UXS1: variants seen among roughly 807,000 people sequenced by gnomAD.
The protein encoded by UXS1 is UDP-glucuronic acid decarboxylase 1.
UXS1 carries 33 observed loss-of-function variants against 62.6 expected under a neutral mutation model. That is an observed-to-expected ratio of 0.53 (90% CI 0.40 to 0.70). The LOEUF (loss-of-function observed/expected upper bound fraction) is 0.70. UXS1 is among the 30% of genes least tolerant of loss of function. UXS1 has a pLI of 0.00. For synonymous variants in UXS1, 213 were observed against 206.8 expected (o/e 1.03, Z -0.26); for missense variants, 434 against 556.3 (o/e 0.78, Z 2.21).
At chr2:106,152,671 G>A (rs1682133557) in intron 5 of UXS1, among the ~76,000 whole-genome samples, 1 of 152,128 alleles carries the variant, frequency 6.6e-6, no homozygotes, top group South Asian at 2.1e-4. Flanking sequence ...TGCAACACTT[G>A]AGTCCATCCC....
chr2:106,130,145 T>C (rs1250376762), intron 6 of UXS1, among the ~76,000 whole-genome samples: 1 of 152,148 alleles, frequency 6.6e-6, no homozygotes, highest in Admixed American at 6.5e-5. Flanking sequence ...TTTTTTTAGT[T>C]TGTGAGGCAA....
chr2:106,158,421 T>C (rs1487182674), intron 4 of UXS1, among the ~76,000 whole-genome samples: 1 of 152,194 alleles, frequency 6.6e-6, no homozygotes, highest in Non-Finnish European at 1.5e-5. Flanking sequence ...ACTACCTCTA[T>C]TAGTCCAGAT....
intron 6 of UXS1, among the ~76,000 whole-genome samples, chr2:106,140,019 C>T (rs1680971828): frequency 6.6e-6 from 1 of 152,070 alleles, no homozygotes. Context: ...TCTCTAGAAC[C>T]AGTATTTAGG....
chr2:106,165,817 G>GA (rs1558743817), intron 2 of UXS1, among the ~76,000 whole-genome samples: 2 of 8,990 alleles, frequency 2.2e-4, no homozygotes, highest in Non-Finnish European at 1.8e-3. Flanking sequence ...AAGGAGGGAA[G>GA]CGGGGGTGGC....
intron 1 of UXS1, among the ~76,000 whole-genome samples, chr2:106,166,774 C>T (rs1683243025): frequency 6.6e-6 from 1 of 150,650 alleles, no homozygotes; most frequent in Non-Finnish European, 1.5e-5. Context: ...CCTCTCGCCT[C>T]CGCCTCCTGA....
At chr2:106,100,169 C>G (rs558931094) in intron 12 of UXS1, among the ~76,000 whole-genome samples, 11 of 152,278 alleles carry the variant, frequency 7.2e-5, no homozygotes, top group Non-Finnish European at 1.3e-4. Context: ...GTTCTTGTGT[C>G]CACTGCCATC....
chr2:106,107,753 G>A (rs1439775396), intron 10 of UXS1, among the ~76,000 whole-genome samples: 3 of 152,228 alleles, frequency 2.0e-5, no homozygotes, highest in Non-Finnish European at 4.4e-5. Flanking sequence ...GACTGTGGGT[G>A]CATTTCCCTG....
intron 8 of UXS1, among the ~76,000 whole-genome samples, chr2:106,125,130 GTGT>G (rs1186303288): frequency 1.3e-5 from 2 of 152,134 alleles, no homozygotes; most frequent in Non-Finnish European, 2.9e-5. Flanking sequence ...AAGCTCGTGG[GTGT>G]TCTGACACTA....
intron 7 of UXS1, among the ~76,000 whole-genome samples, chr2:106,126,893 T>C (rs1573462036): frequency 1.3e-5 from 2 of 152,286 alleles, no homozygotes; most frequent in Middle Eastern, 6.8e-3. Context: ...AGGGCCCTTC[T>C]ACAGCCTCTC....
At chr2:106,094,493 G>A in intron 14 of UXS1, among the ~76,000 whole-genome samples, 1 of 152,238 alleles carries the variant, frequency 6.6e-6, no homozygotes, top group African/African-American at 2.4e-5. Flanking sequence ...TGGCAAGATT[G>A]TTTTTCAGAT....
At chr2:106,157,068 T>C (rs1036128971) in intron 5 of UXS1, among the ~76,000 whole-genome samples, 1 of 152,044 alleles carries the variant, frequency 6.6e-6, no homozygotes, top group South Asian at 2.1e-4. Context: ...AAAAACAGAT[T>C]AGTGGTTGCC....
chr2:106,152,619 G>C (rs1405758610), intron 5 of UXS1, among the ~76,000 whole-genome samples: 2 of 151,818 alleles, frequency 1.3e-5, no homozygotes, highest in Admixed American at 6.6e-5. Context: ...GAGAAAAGAG[G>C]AAAGAAAGAA....
At chr2:106,096,594 C>A in intron 14 of UXS1, 124 bp downstream of exon 14, 1 of 730,452 alleles carries the variant, frequency 1.4e-6, no homozygotes, top group African/African-American at 1.8e-5. Context: ...CCTCTATCTG[C>A]CTGGATGCCG....
chr2:106,175,535 C>T (rs1683824977), intron 1 of UXS1, among the ~76,000 whole-genome samples: 1 of 152,134 alleles, frequency 6.6e-6, no homozygotes, highest in Non-Finnish European at 1.5e-5. Context: ...GCTTGGACCA[C>T]AGTGAAGAGC....
intron 4 of UXS1, among the ~76,000 whole-genome samples, chr2:106,160,898 T>G (rs1297220217): frequency 6.6e-6 from 1 of 152,260 alleles, no homozygotes; most frequent in African/African-American, 2.4e-5. Flanking sequence ...AGATTTCATA[T>G]GTATACGCTC....
At chr2:106,096,901 C>T (rs1283952126) in intron 13 of UXS1, 80 bp from the exon 14 acceptor site, 1 of 1,364,434 alleles carries the variant, frequency 7.3e-7, no homozygotes, top group Admixed American at 2.0e-5. Flanking sequence ...ACATCAAAGG[C>T]AAACCCCATA....
chr2:106,125,825 A>C, intron 7 of UXS1, 146 bp from the exon 8 acceptor site: 1 of 585,964 alleles, frequency 1.7e-6, no homozygotes, highest in Non-Finnish European at 2.8e-6. Flanking sequence ...CTTTGGCACC[A>C]AAATAAACAA....
chr2:106,103,384 G>A (rs554117746), intron 11 of UXS1, among the ~76,000 whole-genome samples: 5 of 152,212 alleles, frequency 3.3e-5, no homozygotes, highest in Admixed American at 1.3e-4. Flanking sequence ...GAGGCAGCCC[G>A]AGGCAGGCAC....
intron 1 of UXS1, chr2:106,179,683 C>T (rs1233533677): frequency 6.6e-6 from 1 of 152,214 alleles, no homozygotes; most frequent in Non-Finnish European, 1.5e-5. Context: ...TTTGAAGGAA[C>T]AGGATTTTCC....
Sources: gnomAD v4.1 joint callset for allele counts (sites outside exome capture counted in the v4.1 genomes callset) on GRCh38, gnomAD v4.1.1 for gene constraint, MANE v1.5 for transcripts, NCBI Gene and HGNC (gene_info 2026-07-23, HGNC 2026-07-21) for gene names.